The following ZFAT variants were observed in gnomAD, a reference collection of about 807,000 sequenced individuals.
ZFAT encodes zinc finger and AT-hook domain containing, also known as zinc finger protein ZFAT.
In ZFAT, 64 loss-of-function variants were observed where a neutral mutation model predicts 117.7. That is an observed-to-expected ratio of 0.54 (90% CI 0.44 to 0.67). The LOEUF (loss-of-function observed/expected upper bound fraction) is 0.67, where lower values mean the gene tolerates loss of function less well. Among genes scored for constraint, ZFAT ranks in the 30% least tolerant of loss-of-function variants. The pLI is 0.00. For synonymous variants in ZFAT, 679 were observed against 615.0 expected, an observed-to-expected ratio of 1.10 and a Z score of -1.54; for missense variants, 1,433 against 1,584.5, an observed-to-expected ratio of 0.90 and a Z score of 1.62.
At chr8:134,688,772 T>C (rs1281953527) in intron 1 of ZFAT, among the ~76,000 whole-genome samples, 2 of 152,088 alleles carry the variant, frequency 1.3e-5, no homozygotes, top group Non-Finnish European at 2.9e-5. Flanking sequence ...TTCTATCCCA[T>C]CGCATCCTCA....
At chr8:134,781,079 T>C in the ZFAT span, among the ~76,000 whole-genome samples, 5 of 152,200 alleles carry the variant, frequency 3.3e-5, no homozygotes, top group African/African-American at 9.7e-5. Context: ...ACTCTTGGAA[T>C]GCAGGTAGGG....
At chr8:134,818,211 C>T in the ZFAT span, among the ~76,000 whole-genome samples, 1 of 152,130 alleles carries the variant, frequency 6.6e-6, no homozygotes, top group Non-Finnish European at 1.5e-5. Flanking sequence ...AAACCATAGA[C>T]TGGAAAAATA....
intron 3 of ZFAT, among the ~76,000 whole-genome samples, chr8:134,611,340 G>A (rs560299724): frequency 2.1e-4 from 32 of 152,356 alleles, no homozygotes; most frequent in African/African-American, 7.0e-4. Context: ...GAGTGGGTGT[G>A]GTGGAAACAA....
At chr8:134,694,933 A>T (rs1833751974) in intron 1 of ZFAT, among the ~76,000 whole-genome samples, 1 of 152,212 alleles carries the variant, frequency 6.6e-6, no homozygotes, top group African/African-American at 2.4e-5. Context: ...TTCATTTTTT[A>T]AAGTTGGAAA....
chr8:134,638,574 A>G (rs1385154436), intron 2 of ZFAT, among the ~76,000 whole-genome samples: 1 of 132,896 alleles, frequency 7.5e-6, no homozygotes, highest in Non-Finnish European at 1.6e-5. Context: ...ACAAAAAAAA[A>G]AAACATTAAC....
chr8:134,787,336 T>C, the ZFAT span, among the ~76,000 whole-genome samples: 7 of 152,246 alleles, frequency 4.6e-5, no homozygotes, highest in South Asian at 2.1e-4. Context: ...CCACATGGAA[T>C]TGATTTTTCT....
At chr8:134,549,059 A>T (rs1311460360) in intron 11 of ZFAT, among the ~76,000 whole-genome samples, 1 of 152,214 alleles carries the variant, frequency 6.6e-6, no homozygotes, top group African/African-American at 2.4e-5. Flanking sequence ...AAGGCCCATT[A>T]TCTACCCAGG....
At position 134,478,331 on chromosome 8, in the gene ZFAT, G is replaced by T; in HGVS notation, c.*151C>A. On this transcript the variant is annotated 3_prime_UTR_variant, in exon 16 of 16. Coordinates refer to ENST00000377838, the MANE Select transcript of ZFAT (RefSeq NM_020863.4). This position sits in a 1 kb window ranked among gnomAD's most constrained non-coding sequence, Gnocchi z 5.2. ...ATGCTGACTGCCTTGCCCACCCCAA[G>T]TTGGACTAGGAGAGTCCTATCAGGC... The T allele has an allele frequency of 8.3e-7, 1 of 1,210,576 alleles. No homozygotes were observed. Among genetic ancestry groups the T allele is most frequent in the Non-Finnish European group, 1.1e-6 (1 of 891,782 alleles). 75.0% of individuals were successfully genotyped at this position (1,210,576 alleles called of 1,614,324 possible). A position where few individuals can be genotyped will look rare whatever the true frequency, so the allele number is the denominator to read the frequency against.
chr8:134,540,737 C>T (rs960582475), intron 11 of ZFAT, among the ~76,000 whole-genome samples: 1 of 152,206 alleles, frequency 6.6e-6, no homozygotes, highest in Non-Finnish European at 1.5e-5. Flanking sequence ...TCTCATATGC[C>T]TTTATTCCTC....
chr8:134,548,684 C>A (rs72719737), intron 11 of ZFAT, among the ~76,000 whole-genome samples: 7,138 of 152,222 alleles, frequency 0.047, 267 homozygotes, highest in Non-Finnish European at 0.074. Flanking sequence ...CTTCTCCAGC[C>A]AAATGAGATT....
At chr8:134,561,790 A>C (rs1824071192) in intron 11 of ZFAT, among the ~76,000 whole-genome samples, 1 of 152,196 alleles carries the variant, frequency 6.6e-6, no homozygotes, top group South Asian at 2.1e-4. Flanking sequence ...ATTTCTTAGT[A>C]ATGTTTGCCA....
chr8:134,581,028 A>G (rs1208798485), intron 10 of ZFAT, among the ~76,000 whole-genome samples: 3 of 152,194 alleles, frequency 2.0e-5, no homozygotes, highest in African/African-American at 7.2e-5. Flanking sequence ...AATGATGACA[A>G]AGTATTAAGA....
chr8:134,791,757 G>A, the ZFAT span, among the ~76,000 whole-genome samples: 60 of 152,094 alleles, frequency 3.9e-4, 2 homozygotes, highest in Non-Finnish European at 1.5e-5. Flanking sequence ...GTGACAATAT[G>A]CCCAGCAAAA....
intron 1 of ZFAT, among the ~76,000 whole-genome samples, chr8:134,663,894 C>T (rs944010111): frequency 6.6e-5 from 10 of 152,330 alleles, no homozygotes; most frequent in African/African-American, 2.4e-4. Context: ...AGAATGGTGT[C>T]TTATTCAAGT....
chr8:134,507,754 C>G (rs1269598366), intron 15 of ZFAT, among the ~76,000 whole-genome samples: 1 of 152,176 alleles, frequency 6.6e-6, no homozygotes, highest in Non-Finnish European at 1.5e-5. Flanking sequence ...AGCAGCAAAT[C>G]AATCTAGTTC....
intron 2 of ZFAT, among the ~76,000 whole-genome samples, chr8:134,649,203 C>CA (rs35498428): frequency 0.23 from 33,244 of 143,636 alleles, 4,152 homozygotes; most frequent in Non-Finnish European, 0.27. Context: ...ACACACACAC[C>CA]CCATCATACT....
intron 2 of ZFAT, among the ~76,000 whole-genome samples, chr8:134,650,715 A>G (rs1333499538): frequency 6.6e-6 from 1 of 152,220 alleles, no homozygotes; most frequent in Non-Finnish European, 1.5e-5. Context: ...AGACGTATTG[A>G]TCAATGAAAT....
the ZFAT span, among the ~76,000 whole-genome samples, chr8:134,748,093 T>G: frequency 5.3e-5 from 8 of 152,318 alleles, no homozygotes; most frequent in African/African-American, 1.7e-4. Flanking sequence ...CTTAGACAAG[T>G]GCATAAAATT....
intron 2 of ZFAT, among the ~76,000 whole-genome samples, chr8:134,648,360 G>C (rs948513795): frequency 1.3e-5 from 2 of 151,294 alleles, no homozygotes; most frequent in African/African-American, 2.4e-5. Context: ...AAAAAGAAAA[G>C]AGAAAATCAA....
Sources: allele counts gnomAD v4.1 joint callset (sites outside exome capture counted in the v4.1 genomes callset), GRCh38; gene constraint gnomAD v4.1.1; non-coding constraint Gnocchi (gnomAD v3.1); transcripts MANE v1.5; gene names NCBI Gene and HGNC (gene_info 2026-07-23, HGNC 2026-07-21).